Variants in HPS5 observed in about 807,000 individuals in gnomAD.
HPS5 encodes HPS5 biogenesis of lysosomal organelles complex 2 subunit 2.
In HPS5, 83 loss-of-function variants were observed where a neutral mutation model predicts 128.0. That is an observed-to-expected ratio of 0.65 (90% CI 0.54 to 0.78). HPS5 has a LOEUF of 0.78. Ranked by LOEUF, HPS5 falls within the 30% of genes least tolerant of loss-of-function variation. The pLI is 0.00. For missense variants in HPS5, 1,281 were observed against 1,326.2 expected, an observed-to-expected ratio of 0.97 and a Z score of 0.53; for synonymous variants, 475 against 470.2, an observed-to-expected ratio of 1.01 and a Z score of -0.13.
chr11:18,309,267 T>C (rs533614467), intron 5 of HPS5, among the ~76,000 whole-genome samples, 188 bp from the exon 6 acceptor site: 2 of 152,370 alleles, frequency 1.3e-5, no homozygotes, highest in East Asian at 3.9e-4. Context: ...AATAATCTGG[T>C]ACGTAACTGC....
chr11:18,300,871 G>A lies in HPS5; in HGVS notation c.942C>T (p.Phe314=). The change falls in exon 9 of 23, where the codon TTC becomes TTT. Residue 314 remains phenylalanine, a synonymous_variant. Coordinates refer to ENST00000349215, the MANE Select transcript of HPS5 (RefSeq NM_181507.2). ...GAAGAACTTGAACATTCTGAGGAAT[G>A]AAAATATAAATTCCTCTTTCTGTCC... is the stretch of plus-strand genomic sequence containing the variant. ...LTWTERGIYI[F]IPQNVQVLLW... 1.9e-6 allele frequency: 3 copies of A among 1,600,910 alleles called. No individual in the cohort carries two copies. Among genetic ancestry groups the A allele is most frequent in the Non-Finnish European group, 2.6e-6 (3 of 1,168,098 alleles).
chr11:18,294,346 C>T (rs1160794911), intron 14 of HPS5, among the ~76,000 whole-genome samples: 2 of 152,118 alleles, frequency 1.3e-5, no homozygotes, highest in East Asian at 1.9e-4. Flanking sequence ...AAAAGGTGGT[C>T]CTTTTGCTAT....
chr11:18,313,116 G>GC (rs974545841), intron 2 of HPS5, among the ~76,000 whole-genome samples: 4 of 152,034 alleles, frequency 2.6e-5, no homozygotes, highest in African/African-American at 9.7e-5. Flanking sequence ...ATGAAACTTT[G>GC]TTTTTTACCA....
chr11:18,305,152 G>A (rs1862203616), intron 8 of HPS5, among the ~76,000 whole-genome samples: 1 of 152,206 alleles, frequency 6.6e-6, no homozygotes, highest in African/African-American at 2.4e-5. Context: ...GAGAGGTTAT[G>A]AGGCGGTTAG....
chr11:18,288,734 C>CTGTGTGTGTGTG (rs35752943), intron 16 of HPS5, among the ~76,000 whole-genome samples: 5 of 149,698 alleles, frequency 3.3e-5, no homozygotes, highest in South Asian at 2.1e-4. Flanking sequence ...GAACTCCTGG[C>CTGTGTGTGTGTG]TGTGTGTGTG....
In HPS5 at chr11:18,282,230, C is replaced by G; in HGVS notation, c.3059-10G>C. On this transcript the variant is annotated splice_polypyrimidine_tract_variant and intron_variant, in intron 21 of 22. Coordinates refer to ENST00000349215, the MANE Select transcript of HPS5 (RefSeq NM_181507.2). ...GTCTCTGGGATCCAACCTAAACACA[C>G]ACAGGGAAGTGTCAGTTTGACCACT... 1 of 1,613,866 alleles carries G rather than the reference C, an allele frequency of 6.2e-7. No homozygotes were observed. Among genetic ancestry groups the G allele is most frequent in the Non-Finnish European group, 8.5e-7 (1 of 1,180,014 alleles).
chr11:18,313,912 CAA>C (rs58704871), intron 2 of HPS5, among the ~76,000 whole-genome samples: 24 of 110,746 alleles, frequency 2.2e-4, no homozygotes, highest in African/African-American at 7.9e-4. Context: ...GACTCCGTCT[CAA>C]AAAAAAAAAA....
rs144015530 is a variant in HPS5, at chr11:18,308,960, C to G, written c.597G>C (p.Leu199Phe). 13 of 1,614,070 alleles carry G rather than the reference C, an allele frequency of 8.1e-6. No homozygotes were observed. In the Admixed American group the frequency reaches 2.0e-4, roughly 25 times the overall value. Residue 199 changes from leucine (L) to phenylalanine (F), a missense_variant, in exon 6 of 23, where the codon TTG (leucine) becomes TTC (phenylalanine). Leu to Phe is a conservative substitution (Grantham distance 22). Coordinates refer to ENST00000349215, the MANE Select transcript of HPS5 (RefSeq NM_181507.2). The stretch of plus-strand genomic sequence containing the variant: ...GGTCAATATACCTCTCAGTGTCACA[C>G]AAGAAGGATCGAGTAAGTGAAGATA... Reference protein sequence around the residue: ...LLISSLTRSFLCDTEREKFWK... With the variant: ...LLISSLTRSFFCDTEREKFWK...
intron 2 of HPS5, among the ~76,000 whole-genome samples, chr11:18,315,238 T>A (rs1188073701): frequency 6.6e-6 from 1 of 152,198 alleles, no homozygotes; most frequent in Non-Finnish European, 1.5e-5. Flanking sequence ...AAAGTCCCTT[T>A]AACCTTGTCT....
intron 6 of HPS5, 114 bp downstream of exon 6, chr11:18,308,831 AG>A: frequency 2.1e-6 from 2 of 973,064 alleles, no homozygotes; most frequent in South Asian, 1.5e-5. Flanking sequence ...AAGAAAAAAA[AG>A]AAAAAGAAAA....
intron 16 of HPS5, 51 bp downstream of exon 16, chr11:18,291,390 TA>T (rs1182224658): frequency 1.7e-6 from 2 of 1,177,734 alleles, no homozygotes; most frequent in African/African-American, 3.0e-5. Context: ...TCAAAACTGC[TA>T]ATGTTTTTTA....
At chr11:18,289,139 C>T (rs182735569) in intron 16 of HPS5, among the ~76,000 whole-genome samples, 1 of 152,304 alleles carries the variant, frequency 6.6e-6, no homozygotes, top group African/African-American at 2.4e-5. Context: ...GTGAGGCCTA[C>T]TCACCAGGTT....
intron 1 of HPS5, among the ~76,000 whole-genome samples, 187 bp downstream of exon 1, chr11:18,321,759 A>G (rs573619817): frequency 1.3e-5 from 2 of 152,332 alleles, no homozygotes; most frequent in East Asian, 3.9e-4. Context: ...CTTTCTATCC[A>G]AGAAGAAATG....
At position 18,305,813 on chromosome 11, in the gene HPS5, A is replaced by C. The variant is rs547098408; in HGVS notation, c.825-320T>G. On this transcript the variant is annotated intron_variant, in intron 7 of 22. Coordinates refer to ENST00000349215, the MANE Select transcript of HPS5 (RefSeq NM_181507.2). ...AGTGGCACAATCTTGGCTCACTGCA[A>C]GCTCCGCCTCCCTTCACACCATTCT... Among the ~76,000 whole-genome samples the C allele has an allele frequency of 5.3e-5, 8 of 151,496 alleles. No individual in the cohort carries two copies. The South Asian group carries it at 1.7e-3, about 31-fold the overall frequency.
chr11:18,304,035 T>C (rs984221331), intron 8 of HPS5, among the ~76,000 whole-genome samples: 3 of 152,144 alleles, frequency 2.0e-5, no homozygotes, highest in Non-Finnish European at 4.4e-5. Context: ...GTAAGACATG[T>C]ATAAATATTA....
chr11:18,315,638 A>C (rs1463691470), intron 2 of HPS5, among the ~76,000 whole-genome samples: 3 of 152,020 alleles, frequency 2.0e-5, no homozygotes, highest in Non-Finnish European at 2.9e-5. Flanking sequence ...GAAAGAAAGA[A>C]AGAAAGAAAA....
At chr11:18,312,917 C>T (rs1215647070) in intron 2 of HPS5, among the ~76,000 whole-genome samples, 2 of 152,178 alleles carry the variant, frequency 1.3e-5, no homozygotes, top group African/African-American at 2.4e-5. Flanking sequence ...ATCTTTACCA[C>T]GTAAGCTCCT....
intron 2 of HPS5, among the ~76,000 whole-genome samples, chr11:18,312,689 T>C (rs1284382114): frequency 6.6e-6 from 1 of 152,240 alleles, no homozygotes; most frequent in Non-Finnish European, 1.5e-5. Flanking sequence ...GAGGCCTTGA[T>C]GAAAGATGAA....
chr11:18,285,579 T>C (rs902485642), intron 19 of HPS5, 120 bp from the exon 20 acceptor site: 37 of 722,726 alleles, frequency 5.1e-5, no homozygotes, highest in Non-Finnish European at 8.4e-5. Flanking sequence ...TTTAAAAACA[T>C]TGCTATTTGG....
Sources: allele counts gnomAD v4.1 joint callset (sites outside exome capture counted in the v4.1 genomes callset), GRCh38; gene constraint gnomAD v4.1.1; transcripts MANE v1.5; gene names NCBI Gene and HGNC (gene_info 2026-07-23, HGNC 2026-07-21).